ESR1: variants seen among roughly 807,000 people sequenced by gnomAD.
ESR1 encodes estrogen receptor 1, also known as estrogen receptor.
Under a neutral mutation model 52.7 loss-of-function variants are expected in ESR1, and 12 were observed. The observed-to-expected ratio is 0.23, with a 90% CI of 0.15 to 0.37. The LOEUF (loss-of-function observed/expected upper bound fraction) is 0.37, where lower values mean the gene tolerates loss of function less well. Ranked by LOEUF, ESR1 falls within the 10% of genes least tolerant of loss-of-function variation. The probability of loss-of-function intolerance (pLI) is 1.00; values close to 1 mark genes in which losing one functional copy is unlikely to be tolerated. For synonymous variants in ESR1, 305 were observed against 316.8 expected (o/e 0.96, Z 0.39); for missense variants, 584 against 779.7 (o/e 0.75, Z 2.99).
chr6:151,822,568 T>C (rs181744765), intron 1 of ESR1, among the ~76,000 whole-genome samples: 25 of 152,276 alleles, frequency 1.6e-4, no homozygotes, highest in African/African-American at 6.0e-4. Flanking sequence ...TGGGAGATGA[T>C]CATTTTAAAT....
chr6:152,036,902 A>G (rs1435877445), intron 5 of ESR1, among the ~76,000 whole-genome samples: 2 of 152,224 alleles, frequency 1.3e-5, no homozygotes, highest in Non-Finnish European at 2.9e-5. Context: ...AGTTTTAACC[A>G]TCATTGAGGG....
chr6:151,789,650 T>A (rs1462219181), intron 2 of ESR1, among the ~76,000 whole-genome samples: 1 of 152,172 alleles, frequency 6.6e-6, no homozygotes, highest in Non-Finnish European at 1.5e-5. Context: ...GTAAAACAAA[T>A]CTCAAGACTT....
rs1447318062 is a variant in ESR1, at chr6:152,011,876, G to A, written c.1235+82G>A. ...CATGAAACTATTTTATTCATCTCTC[G>A]GTGAAGCTTCAGAGAACTTTATTAG... is the stretch of plus-strand genomic sequence containing the variant. On this transcript the variant is annotated intron_variant, in intron 5 of 7. Transcript: ENST00000206249. 3.4e-6 allele frequency: 5 copies of A among 1,485,054 alleles called. No individual in the cohort carries two copies. The Admixed American group carries it at 5.2e-5, about 15-fold the overall frequency. The allele number at this position is 1,485,054 out of a possible 1,614,324, so 92.0% of individuals were successfully genotyped here.
chr6:151,898,107 G>A (rs541862326), intron 3 of ESR1, among the ~76,000 whole-genome samples: 2 of 152,238 alleles, frequency 1.3e-5, no homozygotes, highest in African/African-American at 4.8e-5. Flanking sequence ...TGGTGCTTTT[G>A]CCTCACAGCT....
intron 6 of ESR1, among the ~76,000 whole-genome samples, chr6:152,077,308 T>A (rs907801295): frequency 6.6e-5 from 10 of 152,188 alleles, no homozygotes; most frequent in African/African-American, 2.4e-4. Flanking sequence ...TTTGGGAACC[T>A]CCACTTATAT....
intron 3 of ESR1, among the ~76,000 whole-genome samples, chr6:151,925,744 A>T (rs2032620412): frequency 6.6e-6 from 1 of 151,518 alleles, no homozygotes; most frequent in Admixed American, 6.6e-5. Flanking sequence ...AATTTCTCCC[A>T]GTTTGTGGCT....
chr6:151,821,913 T>C (rs1054084798), intron 1 of ESR1, among the ~76,000 whole-genome samples: 10 of 152,194 alleles, frequency 6.6e-5, no homozygotes, highest in Admixed American at 5.9e-4. Flanking sequence ...AGAATGGCAA[T>C]TGATGGACCC....
At chr6:151,847,695 G>C (rs1785386986) in intron 2 of ESR1, among the ~76,000 whole-genome samples, 1 of 130,410 alleles carries the variant, frequency 7.7e-6, no homozygotes, top group Admixed American at 7.9e-5. Flanking sequence ...TAGGTTGCCT[G>C]TTCACTCTGA....
At chr6:151,711,139 A>G (rs568741182) in intron 2 of ESR1, among the ~76,000 whole-genome samples, 9 of 152,120 alleles carry the variant, frequency 5.9e-5, no homozygotes, top group Admixed American at 5.9e-4. Context: ...GTCTTCCACA[A>G]TGGTTGAACT....
chr6:151,970,686 C>G (rs959613153), intron 4 of ESR1, among the ~76,000 whole-genome samples: 1 of 152,162 alleles, frequency 6.6e-6, no homozygotes, highest in African/African-American at 2.4e-5. Context: ...AGCTTCTGCT[C>G]TTCAGCAGGG....
chr6:151,686,457 G>A (rs1281667296), upstream of ESR1, among the ~76,000 whole-genome samples: 4 of 152,108 alleles, frequency 2.6e-5, no homozygotes, highest in African/African-American at 2.4e-5. Flanking sequence ...AGGCCGAGGC[G>A]GCCGGATCAC....
At chr6:152,114,839 C>T (rs1034549397) in intron 6 of ESR1, among the ~76,000 whole-genome samples, 1 of 130,724 alleles carries the variant, frequency 7.6e-6, no homozygotes, top group Admixed American at 9.6e-5. Context: ...TGCAGTGAGC[C>T]GAGATCGCGC....
intron 6 of ESR1, among the ~76,000 whole-genome samples, chr6:152,093,602 T>C (rs2050377279): frequency 6.6e-6 from 1 of 152,198 alleles, no homozygotes; most frequent in Admixed American, 6.5e-5. Context: ...GGTCTCACTT[T>C]CTGTCCTGGA....
chr6:152,085,698 G>A lies in ESR1; in HGVS notation c.1370-8687G>A, dbSNP rs113578595. Reference sequence around the variant, plus strand: ...GAGGGCTCCAGAAGCAAGTGTCCCAGCTGACAAAAAAAAAAAGTTTCATAG... The same window carrying A: ...GAGGGCTCCAGAAGCAAGTGTCCCAACTGACAAAAAAAAAAAGTTTCATAG... On this transcript the variant is annotated intron_variant, in intron 6 of 7. Coordinates refer to ENST00000206249, the MANE Select transcript of ESR1 (RefSeq NM_000125.4). Among the ~76,000 whole-genome samples the A allele has an allele frequency of 2.7e-3, 413 of 151,600 alleles. 4 individuals carry two copies. Among genetic ancestry groups the A allele is most frequent in the African/African-American group, 9.6e-3 (398 of 41,254 alleles).
chr6:151,731,039 G>A (rs948755285), intron 2 of ESR1, among the ~76,000 whole-genome samples: 1 of 152,110 alleles, frequency 6.6e-6, no homozygotes, highest in Non-Finnish European at 1.5e-5. Flanking sequence ...CATCTGCTCA[G>A]GGGATTATTG....
intron 5 of ESR1, among the ~76,000 whole-genome samples, chr6:152,046,284 T>G (rs1242096203): frequency 6.6e-6 from 1 of 152,214 alleles, no homozygotes; most frequent in Non-Finnish European, 1.5e-5. Context: ...GACTAGACTA[T>G]TTATTAATAG....
chr6:152,044,206 TG>T (rs371928803), intron 5 of ESR1, among the ~76,000 whole-genome samples: 1 of 152,296 alleles, frequency 6.6e-6, no homozygotes, highest in African/African-American at 2.4e-5. Context: ...GCATTTATTT[TG>T]CATAACTCTC....
chr6:151,706,948 A>G (rs1780230611), intron 2 of ESR1, among the ~76,000 whole-genome samples: 1 of 152,206 alleles, frequency 6.6e-6, no homozygotes, highest in African/African-American at 2.4e-5. Context: ...GTGGTGTTCC[A>G]GGGTTTATAT....
In ESR1 at chr6:152,100,422, C is replaced by T. The variant is rs566760865; in HGVS notation, c.*1456C>T. On this transcript the variant is annotated 3_prime_UTR_variant, in exon 8 of 8. Coordinates refer to ENST00000206249, the MANE Select transcript of ESR1 (RefSeq NM_000125.4). ...AATCCTCCCCCTTCCTCCCCCGCCCCGTTCCCTACCGCCTCCACTCCTGCC... is the reference window on the plus strand; with the variant it reads ...AATCCTCCCCCTTCCTCCCCCGCCCTGTTCCCTACCGCCTCCACTCCTGCC... 2.5e-5 allele frequency: 7 copies of T among 274,578 alleles called. No homozygotes were observed. The highest frequency in any genetic ancestry group is 1.1e-4 in the African/African-American group (5 of 46,650). The allele number at this position is 274,578 out of a possible 1,614,324, so 17.0% of individuals were successfully genotyped here.
Sources: allele counts gnomAD v4.1 joint callset (sites outside exome capture counted in the v4.1 genomes callset), GRCh38; gene constraint gnomAD v4.1.1; transcripts MANE v1.5; gene names NCBI Gene and HGNC (gene_info 2026-07-23, HGNC 2026-07-21).